Variants in GRIK3 observed in about 807,000 individuals in gnomAD.
GRIK3 encodes glutamate ionotropic receptor kainate type subunit 3, also known as glutamate receptor ionotropic, kainate 3.
In GRIK3, 29 loss-of-function variants were observed where a neutral mutation model predicts 102.5. That is an observed-to-expected ratio of 0.28 (90% CI 0.21 to 0.39). GRIK3 has a LOEUF of 0.39. Among genes scored for constraint, GRIK3 ranks in the 10% least tolerant of loss-of-function variants. GRIK3 has a pLI of 1.00. For synonymous variants in GRIK3, 511 were observed against 504.9 expected (o/e 1.01, Z -0.16); for missense variants, 908 against 1,252.4 (o/e 0.73, Z 4.15).
At chr1:36,984,308 C>A (rs186186188) in intron 1 of GRIK3, among the ~76,000 whole-genome samples, 1 of 152,364 alleles carries the variant, frequency 6.6e-6, no homozygotes, top group East Asian at 1.9e-4. Context: ...AGCTACCCAT[C>A]CTCACACATG....
At chr1:36,812,125 T>C (rs1352457443) in intron 13 of GRIK3, among the ~76,000 whole-genome samples, 1 of 152,008 alleles carries the variant, frequency 6.6e-6, no homozygotes, top group African/African-American at 2.4e-5. Flanking sequence ...GAAGCTGAGT[T>C]TGGGGAGCAT....
chr1:37,005,737 A>G (rs1334913323), intron 1 of GRIK3, among the ~76,000 whole-genome samples: 1 of 152,206 alleles, frequency 6.6e-6, no homozygotes, highest in Non-Finnish European at 1.5e-5. Context: ...ATATTAATTG[A>G]GCACCTACAA....
At chr1:36,984,283 T>C (rs560684718) in intron 1 of GRIK3, among the ~76,000 whole-genome samples, 2 of 152,300 alleles carry the variant, frequency 1.3e-5, no homozygotes, top group South Asian at 4.1e-4. Context: ...AATCTAATGC[T>C]CACACCATAC....
At chr1:37,032,324 C>T (rs1283292734) in intron 1 of GRIK3, among the ~76,000 whole-genome samples, 10 of 152,136 alleles carry the variant, frequency 6.6e-5, no homozygotes, top group African/African-American at 1.2e-4. Flanking sequence ...CATCCCACCC[C>T]TGTGGAAGAA....
rs187216335 is a variant in GRIK3 at position 36,856,593 on chromosome 1, T to C, written c.1104+2515A>G. Among the ~76,000 whole-genome samples the C allele has an allele frequency of 1.7e-3, 262 of 152,328 alleles. 1 individual carries two copies. Among genetic ancestry groups the C allele is most frequent in the Middle Eastern group, 0.01 (3 of 294 alleles). On this transcript the variant is annotated intron_variant, in intron 7 of 15. Coordinates refer to ENST00000373091, the MANE Select transcript of GRIK3 (RefSeq NM_000831.4). ...GGTCGGGCAGGCATCTGAGGTTCGG[T>C]TGTGGCCAGCTGTGGGACCACAGGT... is the stretch of plus-strand genomic sequence containing the variant.
chr1:37,010,015 G>C (rs1029088248), intron 1 of GRIK3, among the ~76,000 whole-genome samples: 1 of 152,184 alleles, frequency 6.6e-6, no homozygotes, highest in African/African-American at 2.4e-5. Context: ...GGGGGGAGCA[G>C]AGTCTTCAGA....
chr1:36,986,915 G>A (rs1642312888), intron 1 of GRIK3, among the ~76,000 whole-genome samples: 1 of 152,148 alleles, frequency 6.6e-6, no homozygotes, highest in African/African-American at 2.4e-5. Flanking sequence ...AACTAATGCA[G>A]TCATTTCAGA....
chr1:37,003,834 G>A (rs1349399518), intron 1 of GRIK3, among the ~76,000 whole-genome samples: 1 of 152,084 alleles, frequency 6.6e-6, no homozygotes, highest in Non-Finnish European at 1.5e-5. Flanking sequence ...GGGCTGAAGG[G>A]GCCATCTCCC....
At chr1:36,863,329 G>GA (rs1640747396) in intron 5 of GRIK3, among the ~76,000 whole-genome samples, 1 of 152,106 alleles carries the variant, frequency 6.6e-6, no homozygotes, top group Admixed American at 6.5e-5. Flanking sequence ...GGACTAGAGG[G>GA]ATCTTTCTAA....
chr1:36,954,582 CCAG>C (rs762745241), intron 1 of GRIK3, among the ~76,000 whole-genome samples: 20 of 152,304 alleles, frequency 1.3e-4, no homozygotes, highest in East Asian at 9.6e-4. Flanking sequence ...GGGGCTGAGG[CCAG>C]CAGCAGGAGC....
chr1:37,025,984 C>T (rs1357046819), intron 1 of GRIK3, among the ~76,000 whole-genome samples: 2 of 152,148 alleles, frequency 1.3e-5, no homozygotes. Flanking sequence ...TTGCCTCTGT[C>T]CTCATTACCT....
chr1:36,847,440 G>A lies in GRIK3; in HGVS notation c.1326+2871C>T, dbSNP rs1189770052. The stretch of plus-strand genomic sequence containing the variant: ...AATTAAGTTTGTAACAGAACAGCCT[G>A]TGCTAGAGATCACCTCTGTGGCCAT... On this transcript the variant is annotated intron_variant, in intron 9 of 15. Coordinates refer to ENST00000373091, the MANE Select transcript of GRIK3 (RefSeq NM_000831.4). Among the ~76,000 whole-genome samples, 6 of 152,224 alleles carry A rather than the reference G, an allele frequency of 3.9e-5. No homozygotes were observed. In the East Asian group the frequency reaches 1.2e-3, roughly 29 times the overall value.
intron 5 of GRIK3, among the ~76,000 whole-genome samples, chr1:36,862,248 G>T (rs1640735671): frequency 6.6e-6 from 1 of 152,150 alleles, no homozygotes; most frequent in African/African-American, 2.4e-5. Flanking sequence ...CATGGTAGGA[G>T]TATTTGTACC....
At chr1:36,888,459 T>C (rs772688070) in intron 2 of GRIK3, among the ~76,000 whole-genome samples, 3 of 152,162 alleles carry the variant, frequency 2.0e-5, no homozygotes, top group Non-Finnish European at 4.4e-5. Flanking sequence ...GTTCCTTTTT[T>C]CTTGATCTAG....
intron 1 of GRIK3, among the ~76,000 whole-genome samples, chr1:36,966,422 A>G (rs1642079104): frequency 6.6e-6 from 1 of 152,234 alleles, no homozygotes; most frequent in African/African-American, 2.4e-5. Context: ...GGTCTGGATC[A>G]GAACCTCTTT....
At chr1:37,000,090 C>G (rs1404107985) in intron 1 of GRIK3, among the ~76,000 whole-genome samples, 1 of 152,216 alleles carries the variant, frequency 6.6e-6, no homozygotes, top group Admixed American at 6.5e-5. Context: ...GATGCAGGCT[C>G]TCTGAGGCCC....
chr1:36,921,961 G>C (rs1641478506), intron 1 of GRIK3, among the ~76,000 whole-genome samples: 2 of 152,100 alleles, frequency 1.3e-5, no homozygotes, highest in African/African-American at 4.8e-5. Context: ...TGTTCTCCCA[G>C]ACAGGAATGC....
At position 36,805,019 on chromosome 1, in the gene GRIK3, A is replaced by G. The variant is rs761864454; in HGVS notation, c.2533T>C (p.Tyr845His). The G allele has an allele frequency of 3.7e-6, 6 of 1,614,144 alleles. 1 individual carries two copies. In the South Asian group the frequency reaches 5.5e-5, roughly 15 times the overall value. Residue 845 changes from tyrosine (Y) to histidine (H), a missense_variant, in exon 15 of 16, where the codon TAC (tyrosine) becomes CAC (histidine). Tyr to His is a moderately conservative substitution (Grantham distance 83). Coordinates refer to ENST00000373091, the MANE Select transcript of GRIK3 (RefSeq NM_000831.4). ...SVLVAVGEFVYKLRKTAEREQ... is the reference protein window; with the variant it reads ...SVLVAVGEFVHKLRKTAEREQ... The stretch of plus-strand genomic sequence containing the variant: ...CTCTCTGCTGTTTTGCGGAGCTTGT[A>G]CACAAACTCGCCCACGGCCACCAGC...
intron 1 of GRIK3, among the ~76,000 whole-genome samples, chr1:36,948,402 G>C (rs2124332328): frequency 6.6e-6 from 1 of 152,294 alleles, no homozygotes. Context: ...AAGCCCTACT[G>C]TGTATAGATC....
Sources: allele counts gnomAD v4.1 joint callset (sites outside exome capture counted in the v4.1 genomes callset), GRCh38; gene constraint gnomAD v4.1.1; transcripts MANE v1.5; gene names NCBI Gene and HGNC (gene_info 2026-07-23, HGNC 2026-07-21).